Variants in ADGRD2 observed in about 807,000 individuals in gnomAD.
ADGRD2 encodes the protein adhesion G protein-coupled receptor D2.
ADGRD2 carries 71 observed loss-of-function variants against 44.4 expected under a neutral mutation model. The ratio of observed to expected loss-of-function variants is 1.60; its 90% CI spans 1.32 to 1.95. The LOEUF (loss-of-function observed/expected upper bound fraction) is 1.95. Ranked by LOEUF, ADGRD2 falls within the 30% of genes most tolerant of loss-of-function variation. The pLI is 0.00. For missense variants in ADGRD2, 1,039 were observed against 512.4 expected, an observed-to-expected ratio of 2.03 and a Z score of -9.92; for synonymous variants, 481 against 224.8, an observed-to-expected ratio of 2.14 and a Z score of -10.19.
chr9:124,465,201 C>A, intron 10 of ADGRD2: 1 of 153,318 alleles, frequency 6.5e-6, no homozygotes. Flanking sequence ...CTCTCCTTTC[C>A]CATCCACACT....
Position 124,466,277 on chromosome 9 carries a change from A to T in ADGRD2, c.1892A>T (p.His631Leu), listed in dbSNP as rs866937091. The T allele has an allele frequency of 1.5e-5, 10 of 684,826 alleles. No homozygotes were observed. In the Middle Eastern group the frequency reaches 2.2e-3, roughly 148 times the overall value. 42.4% of individuals were successfully genotyped at this position (684,826 alleles called of 1,614,324 possible). ...CTCAAGAGCCCCCTGTTCCCTCCCC[A>T]TCCCCCAAGCCCATATACAGGGGGT... The change falls in exon 11 of 22, where the codon CAT becomes CTT. Residue 631 changes from histidine (H) to leucine (L), a missense_variant. Physicochemically the swap from His to Leu is moderately conservative, Grantham distance 99. Transcript: ENST00000334810.
chr9:124,460,749 T>TCTGCTATGAAC (rs1831712040), intron 10 of ADGRD2, among the ~76,000 whole-genome samples: 2 of 152,192 alleles, frequency 1.3e-5, no homozygotes, highest in Non-Finnish European at 2.9e-5. Flanking sequence ...CTATTATGAA[T>TCTGCTATGAAC]AAGTCTGCTA....
chr9:124,453,097 C>T (rs371197178), exon 3 of ADGRD2: 1 of 696,416 alleles, frequency 1.4e-6, no homozygotes, highest in Non-Finnish European at 2.6e-6. Context: ...GGCGCGGCTG[C>T]GGAGCCCTCT....
Position 124,453,383 on chromosome 9 carries a change from GGC to G in ADGRD2, c.632_633del (p.Arg212AlafsTer112). The G allele has an allele frequency of 1.8e-6, 1 of 568,196 alleles. No individual in the cohort carries two copies. The highest frequency in any genetic ancestry group is 3.1e-6 in the Non-Finnish European group (1 of 327,790). The allele number at this position is 568,196 out of a possible 1,614,324, so 35.2% of individuals were successfully genotyped here. A position where few individuals can be genotyped will look rare whatever the true frequency, so the allele number is the denominator to read the frequency against. On this transcript the variant is annotated frameshift_variant, in exon 3 of 22. Transcript: ENST00000334810. LOFTEE classifies it high-confidence loss of function. ...CGCTGGGCGCTGTTCTCCGATGGGA[GGC>G]GGCGCGCTGGGGCGCGGGGGCTGGG...
At chr9:124,469,599 C>T (rs577559012) in intron 16 of ADGRD2, 52 bp downstream of exon 19, 12 of 709,162 alleles carry the variant, frequency 1.7e-5, no homozygotes, top group African/African-American at 1.0e-4. Flanking sequence ...CACAGTCAGC[C>T]GGCGCCAGGC....
At chr9:124,456,949 G>A (rs530143621) in intron 7 of ADGRD2, among the ~76,000 whole-genome samples, 2 of 152,322 alleles carry the variant, frequency 1.3e-5, no homozygotes, top group African/African-American at 2.4e-5. Context: ...CCTCTAGGAA[G>A]CCTTCCTGTT....
At chr9:124,463,626 T>C (rs1831758574) in intron 10 of ADGRD2, among the ~76,000 whole-genome samples, 1 of 152,214 alleles carries the variant, frequency 6.6e-6, no homozygotes, top group African/African-American at 2.4e-5. Context: ...TTGATTGATA[T>C]AGGTTATTTG....
chr9:124,451,603 T>C (rs1057247161), upstream of ADGRD2: 11 of 281,042 alleles, frequency 3.9e-5, no homozygotes, highest in Non-Finnish European at 5.5e-5. Flanking sequence ...GACTTTTTTT[T>C]CCTCAGTCCA....
chr9:124,476,890 G>A, intron 21 of ADGRD2, 181 bp downstream of exon 24: 1 of 702,640 alleles, frequency 1.4e-6, no homozygotes, highest in Non-Finnish European at 2.6e-6. Flanking sequence ...GGACCAGGCA[G>A]TACCCCTTGG....
rs747326349 is a variant in ADGRD2 at position 124,454,890 on chromosome 9, G to A, written c.1158G>A (p.Ala386=). ...AAGTCCATGGGGCCCTGTCCCCAGC[G>A]GAGGCCTCCAGCTTCCTGGGCCTTC... is the stretch of plus-strand genomic sequence containing the variant. Residue 386 remains alanine, a synonymous_variant, in exon 6 of 22, where the codon GCG becomes GCA. Transcript: ENST00000334810. This position sits in a 1 kb window ranked among gnomAD's most constrained non-coding sequence, Gnocchi z 4.5. 42 of 713,018 alleles carry A rather than the reference G, an allele frequency of 5.9e-5. No homozygotes were observed. Among genetic ancestry groups the A allele is most frequent in the Middle Eastern group, 2.3e-4 (1 of 4,390 alleles). 44.2% of individuals were successfully genotyped at this position (713,018 alleles called of 1,614,324 possible).
At chr9:124,461,468 TA>T (rs1400352074) in intron 10 of ADGRD2, among the ~76,000 whole-genome samples, 1 of 152,240 alleles carries the variant, frequency 6.6e-6, no homozygotes, top group African/African-American at 2.4e-5. Context: ...ATTATGAAGG[TA>T]AAAAGGTTGA....
chr9:124,453,051 C>T (rs114668573), exon 3 of ADGRD2: 1 of 672,996 alleles, frequency 1.5e-6, no homozygotes, highest in East Asian at 2.7e-5. Context: ...GCACCACCGC[C>T]GTGCTGGTGT....
chr9:124,454,236 G>A lies in ADGRD2; in HGVS notation c.1022+139G>A, dbSNP rs147111195. ...GCTTCAAGGTCTCCATGGAGTCTAG[G>A]CCACAGAGCAGTGGGTCCAGACGGA... On this transcript the variant is annotated intron_variant, in intron 4 of 21. Transcript: ENST00000334810. This position sits in a 1 kb window ranked among gnomAD's most constrained non-coding sequence, Gnocchi z 4.5. 876 of 597,768 alleles carry A rather than the reference G, an allele frequency of 1.5e-3. 5 individuals are homozygous for A. Among genetic ancestry groups the A allele is most frequent in the African/African-American group, 0.015 (785 of 53,982 alleles). 37.0% of individuals were successfully genotyped at this position (597,768 alleles called of 1,614,324 possible).
chr9:124,464,316 G>A (rs1402403154), intron 10 of ADGRD2, among the ~76,000 whole-genome samples: 4 of 152,162 alleles, frequency 2.6e-5, no homozygotes, highest in Non-Finnish European at 5.9e-5. Flanking sequence ...TTTTACTTAA[G>A]CTGTTTTCTG....
At chr9:124,450,892 C>T (rs528552746), upstream of ADGRD2, among the ~76,000 whole-genome samples, 103 of 152,340 alleles carry the variant, frequency 6.8e-4, no homozygotes, top group Non-Finnish European at 9.8e-4. Flanking sequence ...TTCTCAGGCA[C>T]ATTTGTGTAA....
At chr9:124,457,034 C>A (rs1353723259) in intron 7 of ADGRD2, among the ~76,000 whole-genome samples, 4 of 152,214 alleles carry the variant, frequency 2.6e-5, no homozygotes, top group Non-Finnish European at 5.9e-5. Flanking sequence ...TCTTTCATTG[C>A]ATTTCTGGTA....
At chr9:124,469,979 C>A (rs1588608095) in intron 16 of ADGRD2, among the ~76,000 whole-genome samples, 1 of 152,164 alleles carries the variant, frequency 6.6e-6, no homozygotes, top group Admixed American at 6.5e-5. Context: ...TGCCAAAGAC[C>A]CGCATCGCCC....
chr9:124,453,494 A>C (rs778617825), exon 3 of ADGRD2: 20 of 700,516 alleles, frequency 2.9e-5, no homozygotes, highest in South Asian at 2.8e-4. Flanking sequence ...TCGGTGCGTC[A>C]CGCCCTCAGC....
chr9:124,476,519 G>A (rs1832052641), intron 20 of ADGRD2, 104 bp downstream of exon 23: 4 of 641,000 alleles, frequency 6.2e-6, no homozygotes, highest in East Asian at 2.7e-5. Flanking sequence ...CCGGGGTGGG[G>A]GCTTCCCGGG....
Sources: allele counts gnomAD v4.1 joint callset (sites outside exome capture counted in the v4.1 genomes callset), GRCh38; gene constraint gnomAD v4.1.1; non-coding constraint Gnocchi (gnomAD v3.1); transcripts MANE v1.5; gene names NCBI Gene and HGNC (gene_info 2026-07-23, HGNC 2026-07-21).